The following EPB41L1 variants were observed in gnomAD, a reference collection of about 807,000 sequenced individuals.
EPB41L1 encodes the protein erythrocyte membrane protein band 4.1 like 1, also known as band 4.1-like protein 1.
A neutral mutation model predicts 97.8 loss-of-function variants in EPB41L1; 29 were observed. That is an observed-to-expected ratio of 0.30 (90% CI 0.22 to 0.40). EPB41L1 has a LOEUF of 0.40. Ranked by LOEUF, EPB41L1 falls within the 10% of genes least tolerant of loss-of-function variation. EPB41L1 has a pLI of 1.00. For synonymous variants in EPB41L1, 383 were observed against 459.2 expected (o/e 0.83, Z 2.12); for missense variants, 812 against 1,162.3 (o/e 0.70, Z 4.38).
intron 6 of EPB41L1, among the ~76,000 whole-genome samples, chr20:36,184,834 G>A (rs1377332909): frequency 2.0e-5 from 3 of 152,180 alleles, no homozygotes; most frequent in East Asian, 1.9e-4. Flanking sequence ...AACCAGCAAA[G>A]TAGTCCTATT....
At chr20:36,181,025 C>T (rs1443177606) in intron 5 of EPB41L1, among the ~76,000 whole-genome samples, 1 of 152,086 alleles carries the variant, frequency 6.6e-6, no homozygotes, top group African/African-American at 2.4e-5. Context: ...GAAGATCAAA[C>T]CCCTGTACAT....
intron 1 of EPB41L1, among the ~76,000 whole-genome samples, chr20:36,166,416 T>C (rs2060740817): frequency 6.6e-6 from 1 of 152,228 alleles, no homozygotes; most frequent in South Asian, 2.1e-4. Flanking sequence ...GCCTAGCAAA[T>C]AGCAGACTAC....
chr20:36,232,718 A>T lies in EPB41L1; in HGVS notation c.*3378A>T, dbSNP rs2147273354. 1 of 398,020 alleles carries T rather than the reference A, an allele frequency of 2.5e-6. No individual in the cohort carries two copies. Among genetic ancestry groups the T allele is most frequent in the Admixed American group, 4.4e-5 (1 of 22,610 alleles). 24.7% of individuals were successfully genotyped at this position (398,020 alleles called of 1,614,324 possible). A position where few individuals can be genotyped will look rare whatever the true frequency, so the allele number is the denominator to read the frequency against. ...TCTCGTCCCCATGCTCCCCCACCTC[A>T]GTGCTCCGTGCTGTATGCGTGTGCT... On this transcript the variant is annotated 3_prime_UTR_variant, in exon 22 of 22. Transcript: ENST00000338074.
At chr20:36,132,473 C>T (rs901723677) in intron 2 of EPB41L1, among the ~76,000 whole-genome samples, 1 of 149,702 alleles carries the variant, frequency 6.7e-6, no homozygotes, top group Non-Finnish European at 1.5e-5. Context: ...CATCTCAAAA[C>T]TCTTTACCTA....
rs563264580 is a variant in EPB41L1, at chr20:36,097,855, G to T, written c.-65+6243G>T. Among the ~76,000 whole-genome samples the T allele has an allele frequency of 3.3e-5, 5 of 152,228 alleles. No homozygotes were observed. The South Asian group carries it at 1.0e-3, about 32-fold the overall frequency. Reference sequence around the variant, plus strand: ...GAATGACTGGAGATAAAGCTGAGAGGAAGATTAGGGACAGATCTGGTGCAG... The same window carrying T: ...GAATGACTGGAGATAAAGCTGAGAGTAAGATTAGGGACAGATCTGGTGCAG... On this transcript the variant is annotated intron_variant, in intron 1 of 19. Coordinates refer to the EPB41L1 transcript ENST00000202028.
chr20:36,182,371 A>C (rs1322769187), intron 6 of EPB41L1, 24 bp downstream of exon 6: 1 of 1,612,700 alleles, frequency 6.2e-7, no homozygotes, highest in African/African-American at 1.3e-5. Flanking sequence ...AGGGAGAGAC[A>C]GGTGTGCTGG....
chr20:36,126,473 TCTC>T (rs2058974138), intron 2 of EPB41L1, among the ~76,000 whole-genome samples: 1 of 151,970 alleles, frequency 6.6e-6, no homozygotes, highest in Non-Finnish European at 1.5e-5. Context: ...TTCAAGCGAT[TCTC>T]CTAACTCAGC....
intron 1 of EPB41L1, 89 bp from the exon 2 acceptor site, chr20:36,173,675 T>C: frequency 8.3e-7 from 1 of 1,207,554 alleles, no homozygotes; most frequent in Admixed American, 1.7e-5. Context: ...TGCCTCCATC[T>C]GTCTCTCTCC....
intron 1 of EPB41L1, 76 bp from the exon 2 acceptor site, chr20:36,173,688 G>A (rs986408682): frequency 1.7e-5 from 23 of 1,329,188 alleles, no homozygotes; most frequent in Middle Eastern, 1.8e-4. Context: ...CTCTCTCCGC[G>A]TGTGGTTCCT....
chr20:36,137,854 T>C (rs1397981009), intron 2 of EPB41L1, among the ~76,000 whole-genome samples: 1 of 152,176 alleles, frequency 6.6e-6, no homozygotes, highest in Non-Finnish European at 1.5e-5. Context: ...AGTGAAACTA[T>C]ATCCATTAAA....
At chr20:36,107,320 G>A (rs934788069) in intron 1 of EPB41L1, among the ~76,000 whole-genome samples, 2 of 147,120 alleles carry the variant, frequency 1.4e-5, no homozygotes, top group African/African-American at 5.0e-5. Context: ...TCCCGGCTTC[G>A]AGCAATTCTC....
rs770031656 is a variant in EPB41L1 at position 36,173,939 on chromosome 20, G to A, written c.162G>A (p.Thr54=). The stretch of plus-strand genomic sequence containing the variant: ...AGAAGCATCCATCCCAGCAGGACAC[G>A]CGGCCTGCTGAACAGGTGTGTGCCC... The part of the protein sequence containing the change: ...SNEKHPSQQD[T]RPAEQSLDME... Residue 54 remains threonine, a synonymous_variant, in exon 2 of 22, where the codon ACG becomes ACA. Coordinates refer to ENST00000338074, the MANE Select transcript of EPB41L1 (RefSeq NM_012156.2). 13 of 1,613,040 alleles carry A rather than the reference G, an allele frequency of 8.1e-6. No individual in the cohort carries two copies. Among genetic ancestry groups the A allele is most frequent in the South Asian group, 3.3e-5 (3 of 90,914 alleles).
intron 2 of EPB41L1, among the ~76,000 whole-genome samples, chr20:36,117,222 G>A (rs1007988936): frequency 2.6e-5 from 4 of 152,036 alleles, no homozygotes; most frequent in African/African-American, 9.7e-5. Flanking sequence ...CAGATCATTC[G>A]TCCTGGATTG....
chr20:36,224,627 C>G (rs1569386475), intron 21 of EPB41L1, among the ~76,000 whole-genome samples: 1 of 152,192 alleles, frequency 6.6e-6, no homozygotes. Context: ...GCCTGGGCAA[C>G]AGAGCGAGAC....
chr20:36,159,402 T>C (rs180892386), intron 1 of EPB41L1, among the ~76,000 whole-genome samples: 4 of 152,180 alleles, frequency 2.6e-5, no homozygotes, highest in Admixed American at 2.6e-4. Flanking sequence ...ACAGAAAAAC[T>C]GCTTGCAGTG....
rs777166804 is a variant in EPB41L1 at position 36,230,772 on chromosome 20, C to CTT, written c.*1445_*1446dup. 7.0e-5 allele frequency: 10 copies of CTT among 142,262 alleles called. No individual in the cohort carries two copies. Among genetic ancestry groups the CTT allele is most frequent in the East Asian group, 2.0e-4 (1 of 4,932 alleles). The allele number at this position is 142,262 out of a possible 1,614,324, so 8.8% of individuals were successfully genotyped here. A position where few individuals can be genotyped will look rare whatever the true frequency, so the allele number is the denominator to read the frequency against. On this transcript the variant is annotated 3_prime_UTR_variant, in exon 22 of 22. Transcript: ENST00000338074. Reference sequence around the variant, plus strand: ...TTTTCAGTCTTCTCTCTCTTTCTCTCTTTTTTTTTTTTTTGCCACATTCTG... The same window carrying CTT: ...TTTTCAGTCTTCTCTCTCTTTCTCTCTTTTTTTTTTTTTTTTGCCACATTCTG...
chr20:36,121,042 T>C (rs1478742330), intron 2 of EPB41L1, among the ~76,000 whole-genome samples: 1 of 146,944 alleles, frequency 6.8e-6, no homozygotes, highest in African/African-American at 2.5e-5. Flanking sequence ...CTTGTTACAA[T>C]GTACAATGTG....
chr20:36,174,066 A>AAATC, intron 2 of EPB41L1, 112 bp downstream of exon 2: 1 of 1,149,886 alleles, frequency 8.7e-7, no homozygotes, highest in Non-Finnish European at 1.3e-6. Flanking sequence ...ACTAAGATTT[A>AAATC]TTAGTGACCT....
chr20:36,174,386 C>T (rs1330075314), intron 2 of EPB41L1, among the ~76,000 whole-genome samples: 1 of 152,066 alleles, frequency 6.6e-6, no homozygotes, highest in Non-Finnish European at 1.5e-5. Flanking sequence ...AATTCTCCTG[C>T]CTCAGCCTCC....
Sources: allele counts gnomAD v4.1 joint callset (sites outside exome capture counted in the v4.1 genomes callset), GRCh38; gene constraint gnomAD v4.1.1; transcripts MANE v1.5; gene names NCBI Gene and HGNC (gene_info 2026-07-23, HGNC 2026-07-21).